Variants in ABCC6 observed in about 807,000 individuals in gnomAD.
ABCC6 encodes ATP binding cassette subfamily C member 6.
Under a neutral mutation model 169.5 loss-of-function variants are expected in ABCC6, and 126 were observed. The ratio of observed to expected loss-of-function variants is 0.74; its 90% CI spans 0.64 to 0.86. The LOEUF (loss-of-function observed/expected upper bound fraction) is 0.86, where lower values mean the gene tolerates loss of function less well. Ranked by LOEUF, ABCC6 falls within the 40% of genes least tolerant of loss-of-function variation. The pLI is 0.00. For missense variants in ABCC6, 1,733 were observed against 1,927.2 expected, an observed-to-expected ratio of 0.90 and a Z score of 1.89; for synonymous variants, 752 against 814.7, an observed-to-expected ratio of 0.92 and a Z score of 1.31.
At chr16:16,222,745 G>T (rs977001436) in intron 1 of ABCC6, among the ~76,000 whole-genome samples, 1 of 151,420 alleles carries the variant, frequency 6.6e-6, no homozygotes, top group Non-Finnish European at 1.5e-5. Context: ...TTGAAGTTTA[G>T]TGGACGTGGC....
chr16:16,166,529 G>A (rs140631919), intron 22 of ABCC6, among the ~76,000 whole-genome samples: 107 of 151,614 alleles, frequency 7.1e-4, no homozygotes, highest in Non-Finnish European at 1.2e-4. Flanking sequence ...GAATGCCAGC[G>A]ACTGCCGGCG....
Position 16,178,930 on chromosome 16 carries a change from C to A in ABCC6, c.2283G>T (p.Leu761=). 1 of 1,613,404 alleles carries A rather than the reference C, an allele frequency of 6.2e-7. No homozygotes were observed. Among genetic ancestry groups the A allele is most frequent in the Non-Finnish European group, 8.5e-7 (1 of 1,180,024 alleles). The change falls in exon 18 of 31, where the codon CTG becomes CTT. Residue 761 remains leucine, a synonymous_variant. Coordinates refer to ENST00000205557, the MANE Select transcript of ABCC6 (RefSeq NM_001171.6). ...MNLSGGQKQR[L]SLARAVYRKA... Reference sequence around the variant, plus strand: ...TTCTGTATACAGCCCGGGCCAGGCTCAGCCGCTGCTTCTGGCCTCCGGAGA... The same window carrying A: ...TTCTGTATACAGCCCGGGCCAGGCTAAGCCGCTGCTTCTGGCCTCCGGAGA...
rs60791294 is a variant in ABCC6 at position 16,163,086 on chromosome 16, C to T, written c.3413G>A (p.Arg1138Gln). The T allele has an allele frequency of 8.9e-5, 143 of 1,613,750 alleles. No individual in the cohort carries two copies. The highest frequency in any genetic ancestry group is 1.1e-4 in the Non-Finnish European group (129 of 1,180,030). Residue 1138 changes from arginine (R) to glutamine (Q), a missense_variant, in exon 24 of 31, where the codon CGG becomes CAG. Arg to Gln is a conservative substitution (Grantham distance 43). Around this residue, in one of 5 missense-constraint regions of ABCC6, gnomAD observed 1,601 missense variants for 1,635.5 expected, o/e 0.98. Transcript: ENST00000205557. ...AETFQGSTVV[R>Q]AFRTQAPFVA... ...AAAGGGGGCCTGGGTTCGGAATGCC[C>T]GGACCACTGTGCTGCCCTGGAACGT...
intron 15 of ABCC6, among the ~76,000 whole-genome samples, chr16:16,183,592 C>G (rs748218635): frequency 7.2e-5 from 11 of 152,214 alleles, no homozygotes; most frequent in Admixed American, 7.2e-4. Context: ...CTCAGCTGCT[C>G]GGCCCTGGCC....
chr16:16,157,942 G>A (rs1254311792), intron 26 of ABCC6, 133 bp from the exon 27 acceptor site: 7 of 1,009,094 alleles, frequency 6.9e-6, no homozygotes, highest in African/African-American at 1.6e-5. Flanking sequence ...GGGTTGTTAT[G>A]GGAATTCAAC....
Position 16,165,529 on chromosome 16 carries a change from G to A in ABCC6, c.3306+94C>T, listed in dbSNP as rs2046845072. On this transcript the variant is annotated intron_variant, in intron 23 of 30. Transcript: ENST00000205557. ...AGGAACAGCCCCTAGATGTCCAGCTGGGTGAAACCTCATATATGGAGTCTT... is the reference window on the plus strand; with the variant it reads ...AGGAACAGCCCCTAGATGTCCAGCTAGGTGAAACCTCATATATGGAGTCTT... 3 of 1,384,998 alleles carry A rather than the reference G, an allele frequency of 2.2e-6. No homozygotes were observed. In the East Asian group the frequency reaches 7.0e-5, roughly 32 times the overall value. 85.8% of individuals were successfully genotyped at this position (1,384,998 alleles called of 1,614,324 possible). A position where few individuals can be genotyped will look rare whatever the true frequency, so the allele number is the denominator to read the frequency against.
rs189726435 is a variant in ABCC6 at position 16,171,455 on chromosome 16, G to A, written c.2788-1602C>T. ...TTATTAGCATAATTATTTACTCTCC[G>A]TCTATCCTCACTAGTGTCTAATCTC... is the stretch of plus-strand genomic sequence containing the variant. On this transcript the variant is annotated intron_variant, in intron 21 of 30. Coordinates refer to ENST00000205557, the MANE Select transcript of ABCC6 (RefSeq NM_001171.6). 2.8e-3 allele frequency among the ~76,000 whole-genome samples: 429 copies of A among 152,214 alleles called. 1 individual carries two copies. Among genetic ancestry groups the A allele is most frequent in the South Asian group, 4.6e-3 (22 of 4,822 alleles).
At chr16:16,175,519 C>T (rs1177989905) in intron 20 of ABCC6, among the ~76,000 whole-genome samples, 3 of 152,196 alleles carry the variant, frequency 2.0e-5, no homozygotes, top group Non-Finnish European at 4.4e-5. Flanking sequence ...GCTGTGCATA[C>T]AGACCCAAGC....
At chr16:16,200,587 C>A (rs1596710799) in intron 9 of ABCC6, among the ~76,000 whole-genome samples, 1 of 137,222 alleles carries the variant, frequency 7.3e-6, no homozygotes. Flanking sequence ...TGTGGACTCT[C>A]AAGACAGGAT....
chr16:16,189,341 A>G (rs1400285114), intron 12 of ABCC6, among the ~76,000 whole-genome samples: 3 of 151,452 alleles, frequency 2.0e-5, no homozygotes, highest in African/African-American at 4.9e-5. Context: ...GTGATTCTAG[A>G]GTCCCTTGGA....
intron 4 of ABCC6, among the ~76,000 whole-genome samples, chr16:16,216,688 T>G: frequency 7.0e-6 from 1 of 143,672 alleles, no homozygotes; most frequent in Non-Finnish European, 1.5e-5. Context: ...TCTTCCTAAG[T>G]TTTTTGCTTG....
chr16:16,183,748 G>GT (rs903328426), intron 15 of ABCC6, among the ~76,000 whole-genome samples: 4 of 152,132 alleles, frequency 2.6e-5, no homozygotes, highest in African/African-American at 9.7e-5. Flanking sequence ...CATCTAGTGG[G>GT]TAGAGACTGG....
Position 16,221,656 on chromosome 16 carries a change from G to T in ABCC6, c.212C>A (p.Ala71Asp), listed in dbSNP as rs779991699. The T allele has an allele frequency of 6.2e-7, 1 of 1,613,954 alleles. No homozygotes were observed. Among genetic ancestry groups the T allele is most frequent in the East Asian group, 2.2e-5 (1 of 44,884 alleles). ...GYLRMSPLFK[A>D]KMVLGFALIV... ...CCCAGGGATGGCAGCTACCATCTTG[G>T]CTTTGAAGAGTGGGGACATCCGGAG... The change falls in exon 2 of 31, where the codon GCC becomes GAC. Residue 71 changes from alanine (A) to aspartate (D), a missense_variant. Coordinates refer to ENST00000205557, the MANE Select transcript of ABCC6 (RefSeq NM_001171.6).
At chr16:16,195,873 T>A (rs757238804) in intron 10 of ABCC6, among the ~76,000 whole-genome samples, 5 of 151,644 alleles carry the variant, frequency 3.3e-5, no homozygotes, top group Non-Finnish European at 5.9e-5. Context: ...AGCATTCGAG[T>A]TTTTTTTGGA....
chr16:16,182,123 G>A (rs561081298), intron 17 of ABCC6, among the ~76,000 whole-genome samples: 9 of 152,332 alleles, frequency 5.9e-5, no homozygotes, highest in African/African-American at 1.9e-4. Context: ...AGGCAGGGCA[G>A]AGTAAGACAG....
At chr16:16,152,192 CAA>C (rs61339757) in intron 29 of ABCC6, among the ~76,000 whole-genome samples, 24 of 40,316 alleles carry the variant, frequency 6.0e-4, no homozygotes, top group African/African-American at 1.9e-3. Flanking sequence ...GACTCTGTCT[CAA>C]AAAAAAAAAA....
intron 14 of ABCC6, 138 bp downstream of exon 14, chr16:16,186,986 G>T: frequency 8.1e-6 from 6 of 740,394 alleles, no homozygotes; most frequent in South Asian, 7.6e-5. Context: ...ACACGCAGAT[G>T]GCGTGATCTG....
rs76484252 is a variant in ABCC6, at chr16:16,172,119, G to C, written c.2787+1165C>G. On this transcript the variant is annotated intron_variant, in intron 21 of 30. Coordinates refer to ENST00000205557, the MANE Select transcript of ABCC6 (RefSeq NM_001171.6). ...GATGGCTAAATGAGTGGGTGGGATG[G>C]ATAAATGAATGGATGGGATGCATAA... is the stretch of plus-strand genomic sequence containing the variant. Among the ~76,000 whole-genome samples the C allele has an allele frequency of 9.7e-4, 55 of 56,852 alleles. 1 individual carries two copies. Among genetic ancestry groups the C allele is most frequent in the Middle Eastern group, 0.011 (1 of 94 alleles). 37.3% of individuals were successfully genotyped at this position (56,852 alleles called of 152,430 possible). A position where few individuals can be genotyped will look rare whatever the true frequency, so the allele number is the denominator to read the frequency against.
intron 21 of ABCC6, among the ~76,000 whole-genome samples, chr16:16,171,651 T>C (rs867632843): frequency 6.6e-6 from 1 of 152,032 alleles, no homozygotes; most frequent in Non-Finnish European, 1.5e-5. Flanking sequence ...GACAGATGCA[T>C]AGGTGAGGGA....
Sources: gnomAD v4.1 joint callset for allele counts (sites outside exome capture counted in the v4.1 genomes callset) on GRCh38, gnomAD v4.1.1 for gene constraint, gnomAD v4.1.1 regional missense constraint, MANE v1.5 for transcripts, NCBI Gene and HGNC (gene_info 2026-07-23, HGNC 2026-07-21) for gene names.